The following MYO1H variants were observed in gnomAD, a reference collection of about 807,000 sequenced individuals.
MYO1H encodes myosin IH, also known as unconventional myosin-Ih.
MYO1H carries 118 observed loss-of-function variants against 149.3 expected under a neutral mutation model. That is an observed-to-expected ratio of 0.79 (90% CI 0.68 to 0.92). MYO1H has a LOEUF of 0.92. MYO1H is among the 40% of genes least tolerant of loss of function. The pLI, the probability that MYO1H is intolerant of heterozygous loss-of-function variation, is 0.00. For missense variants in MYO1H, 1,212 were observed against 1,280.7 expected, an observed-to-expected ratio of 0.95 and a Z score of 0.82; for synonymous variants, 447 against 465.2, an observed-to-expected ratio of 0.96 and a Z score of 0.50.
chr12:109,391,231 C>G (rs115701248), intron 2 of MYO1H, among the ~76,000 whole-genome samples: 5,663 of 151,862 alleles, frequency 0.037, 115 homozygotes, highest in Middle Eastern at 0.054. Flanking sequence ...GCTCTCTGTC[C>G]CCCGCAACAA....
chr12:109,444,639 A>G, intron 30 of MYO1H, 110 bp downstream of exon 30: 1 of 813,960 alleles, frequency 1.2e-6, no homozygotes, highest in Non-Finnish European at 2.0e-6. Flanking sequence ...GGCTGAGGTG[A>G]GCAGATAACT....
chr12:109,346,482 C>T (rs1242583680), upstream of MYO1H, among the ~76,000 whole-genome samples: 1 of 152,134 alleles, frequency 6.6e-6, no homozygotes, highest in Non-Finnish European at 1.5e-5. Flanking sequence ...TCATATAGGC[C>T]AGGCGCGATG....
chr12:109,322,819 CAAA>C, the MYO1H span, among the ~76,000 whole-genome samples: 1,773 of 77,098 alleles, frequency 0.023, 26 homozygotes, highest in African/African-American at 0.081. Context: ...GACTCCGTCT[CAAA>C]AAAAAAAAAA....
chr12:109,336,345 A>G, the MYO1H span, among the ~76,000 whole-genome samples: 2 of 152,202 alleles, frequency 1.3e-5, no homozygotes, highest in African/African-American at 4.8e-5. Flanking sequence ...ATCTTCTGCA[A>G]TCATGTCTGT....
chr12:109,385,202 G>A (rs77364039), intron 1 of MYO1H, among the ~76,000 whole-genome samples: 7 of 151,980 alleles, frequency 4.6e-5, no homozygotes, highest in African/African-American at 9.7e-5. Context: ...GGAAATGCTC[G>A]TGTTCCAACG....
chr12:109,323,706 A>G, the MYO1H span, among the ~76,000 whole-genome samples: 9 of 152,342 alleles, frequency 5.9e-5, no homozygotes, highest in South Asian at 6.2e-4. Context: ...GGTAGCATCA[A>G]TGTGTCCAAC....
chr12:109,329,258 T>A, the MYO1H span, among the ~76,000 whole-genome samples: 1 of 152,200 alleles, frequency 6.6e-6, no homozygotes, highest in Non-Finnish European at 1.5e-5. Context: ...TGTACAGCCG[T>A]GTTCATTAGT....
rs752205814 is a variant in MYO1H, at chr12:109,420,959, A to G, written c.1598-22A>G. 1.2e-5 allele frequency: 17 copies of G among 1,425,266 alleles called. No homozygotes were observed. In the African/African-American group the frequency reaches 2.4e-4, roughly 20 times the overall value. The allele number at this position is 1,425,266 out of a possible 1,614,324, so 88.3% of individuals were successfully genotyped here. ...TTAGGCAGAGACATTGATTCAAAAA[A>G]TTTTTCTTCAATGTTTTACAGGATT... On this transcript the variant is annotated intron_variant, in intron 15 of 31. Coordinates refer to ENST00000310903, the Ensembl canonical transcript of MYO1H.
intron 1 of MYO1H, among the ~76,000 whole-genome samples, chr12:109,381,414 C>T (rs1208899459): frequency 2.0e-5 from 3 of 152,046 alleles, no homozygotes; most frequent in Non-Finnish European, 2.9e-5. Context: ...ATCCTATCTC[C>T]AAAATAACAA....
chr12:109,313,273 C>A, the MYO1H span, among the ~76,000 whole-genome samples: 1 of 152,100 alleles, frequency 6.6e-6, no homozygotes, highest in Admixed American at 6.5e-5. Flanking sequence ...AAAAACCCCA[C>A]AAGTTCTCAC....
chr12:109,318,001 G>A, the MYO1H span, among the ~76,000 whole-genome samples: 1 of 152,168 alleles, frequency 6.6e-6, no homozygotes, highest in East Asian at 1.9e-4. Context: ...ATGACATTAT[G>A]CAGCAAGATT....
At chr12:109,385,574 C>T (rs763801496) in intron 1 of MYO1H, among the ~76,000 whole-genome samples, 2 of 152,134 alleles carry the variant, frequency 1.3e-5, no homozygotes, top group Non-Finnish European at 2.9e-5. Flanking sequence ...ATTACAAACA[C>T]GAGCCTACCA....
intron 19 of MYO1H, among the ~76,000 whole-genome samples, chr12:109,430,245 AGGGGAGATTCACG>A (rs1171848210): frequency 6.6e-6 from 1 of 152,192 alleles, no homozygotes; most frequent in Non-Finnish European, 1.5e-5. Context: ...GACAGAGGCA[AGGGGAGATTCACG>A]GGATCGAGCT....
At chr12:109,400,101 T>G (rs1269553377) in intron 5 of MYO1H, among the ~76,000 whole-genome samples, 1 of 152,244 alleles carries the variant, frequency 6.6e-6, no homozygotes, top group Non-Finnish European at 1.5e-5. Flanking sequence ...TCTGTCAGAT[T>G]CATCCATGTC....
At chr12:109,372,331 C>CT (rs1158617182) in intron 1 of MYO1H, among the ~76,000 whole-genome samples, 1 of 151,960 alleles carries the variant, frequency 6.6e-6, no homozygotes, top group Non-Finnish European at 1.5e-5. Flanking sequence ...TCCAGCCTTC[C>CT]TTTTATAGAA....
At chr12:109,323,186 G>A in the MYO1H span, among the ~76,000 whole-genome samples, 5 of 152,110 alleles carry the variant, frequency 3.3e-5, no homozygotes, top group South Asian at 6.2e-4. Flanking sequence ...GACTTAACAC[G>A]TGCAAAGCAA....
intron 31 of MYO1H, chr12:109,446,215 G>A (rs1242680246): frequency 3.0e-6 from 3 of 985,464 alleles, no homozygotes; most frequent in Non-Finnish European, 3.6e-6. Context: ...AGTCTAGCCT[G>A]AGCACACAAG....
Position 109,444,246 on chromosome 12 carries a change from T to A in MYO1H, c.2858T>A (p.Leu953Ter). 6.2e-7 allele frequency: 1 copy of A among 1,613,938 alleles called. No individual in the cohort carries two copies. The highest frequency in any genetic ancestry group is 8.5e-7 in the Non-Finnish European group (1 of 1,179,854). ...ACTAGCAATCTGAGTGATGGAATCTTAGTCATTCATGTTTCACCAGAGGAC... is the reference window on the plus strand; with the variant it reads ...ACTAGCAATCTGAGTGATGGAATCTAAGTCATTCATGTTTCACCAGAGGAC... The change falls in exon 29 of 32, where the codon TTA becomes TAA. Residue 953 changes from leucine (L) to a stop codon, truncating the protein, a stop_gained. Transcript: ENST00000310903. LOFTEE classifies it high-confidence loss of function.
chr12:109,395,981 T>TA (rs1869880749), intron 3 of MYO1H, among the ~76,000 whole-genome samples: 1 of 152,008 alleles, frequency 6.6e-6, no homozygotes, highest in South Asian at 2.1e-4. Context: ...TGCAATGGCA[T>TA]AATCTCGGCT....
Sources: allele counts gnomAD v4.1 joint callset (sites outside exome capture counted in the v4.1 genomes callset), GRCh38; gene constraint gnomAD v4.1.1; transcripts MANE v1.5; gene names NCBI Gene and HGNC (gene_info 2026-07-23, HGNC 2026-07-21).